GRB10: variants seen among roughly 807,000 people sequenced by gnomAD.
GRB10 encodes growth factor receptor bound protein 10, also known as growth factor receptor-bound protein 10.
In GRB10, 20 loss-of-function variants were observed where a neutral mutation model predicts 80.9. That is an observed-to-expected ratio of 0.25 (90% CI 0.17 to 0.36). The LOEUF is 0.36. Among genes scored for constraint, GRB10 ranks in the 10% least tolerant of loss-of-function variants. GRB10 has a pLI of 1.00. For synonymous variants in GRB10, 291 were observed against 291.5 expected, an observed-to-expected ratio of 1.00 and a Z score of 0.02; for missense variants, 548 against 747.7, an observed-to-expected ratio of 0.73 and a Z score of 3.12.
At chr7:50,732,246 G>C in intron 4 of GRB10, 26 bp downstream of exon 4, 1 of 1,612,340 alleles carries the variant, frequency 6.2e-7, no homozygotes, top group East Asian at 2.2e-5. Flanking sequence ...ATCGGGCCAG[G>C]ATCAGATATA....
chr7:50,595,652 A>G (rs1236574797), intron 17 of GRB10, 122 bp from the exon 18 acceptor site: 14 of 615,042 alleles, frequency 2.3e-5, no homozygotes, highest in Non-Finnish European at 3.8e-5. Context: ...TGGAGCCACA[A>G]TGCTTCAGTG....
chr7:50,750,314 C>CT lies in GRB10; in HGVS notation c.-47+5572dup, dbSNP rs2073881379. On this transcript the variant is annotated intron_variant, in intron 3 of 18. Coordinates refer to ENST00000401949, the MANE Select transcript of GRB10 (RefSeq NM_001350814.2). Reference sequence around the variant, plus strand: ...ATAAGCAACATCTTGGTCGACTCTGCTCTCACCACTCATATATAAAACCTT... The same window carrying CT: ...ATAAGCAACATCTTGGTCGACTCTGCTTCTCACCACTCATATATAAAACCTT... Among the ~76,000 whole-genome samples the CT allele has an allele frequency of 3.3e-5, 5 of 152,324 alleles. No individual in the cohort carries two copies. The South Asian group carries it at 1.0e-3, about 32-fold the overall frequency.
At chr7:50,709,557 C>CTT (rs386410130) in intron 4 of GRB10, among the ~76,000 whole-genome samples, 110,945 of 143,632 alleles carry the variant, frequency 0.77, 43,464 homozygotes, top group Middle Eastern at 0.91. Context: ...CCATTAAACT[C>CTT]TTTTTTTTTG....
chr7:50,630,217 A>AGTTATGACCTATCTT (rs1418157975), intron 7 of GRB10, among the ~76,000 whole-genome samples: 2 of 152,254 alleles, frequency 1.3e-5, no homozygotes, highest in African/African-American at 4.8e-5. Flanking sequence ...GTTCTACATT[A>AGTTATGACCTATCTT]GTTATGACCT....
upstream of GRB10, among the ~76,000 whole-genome samples, chr7:50,785,910 G>A (rs1051713497): frequency 6.6e-6 from 1 of 152,140 alleles, no homozygotes; most frequent in Admixed American, 6.5e-5. Context: ...ATTAAAAAAA[G>A]AATACTCACT....
intron 5 of GRB10, among the ~76,000 whole-genome samples, chr7:50,681,421 G>T (rs952799172): frequency 6.6e-6 from 1 of 152,228 alleles, no homozygotes; most frequent in Non-Finnish European, 1.5e-5. Context: ...TGGTGTTTAT[G>T]GCTCCCAGGA....
chr7:50,636,391 C>T (rs2055025376), intron 7 of GRB10, among the ~76,000 whole-genome samples: 1 of 152,166 alleles, frequency 6.6e-6, no homozygotes, highest in Non-Finnish European at 1.5e-5. Flanking sequence ...AAACCAGTAT[C>T]ACCCTGATAC....
chr7:50,709,010 T>C (rs912600536), intron 4 of GRB10, among the ~76,000 whole-genome samples: 1 of 152,174 alleles, frequency 6.6e-6, no homozygotes, highest in Non-Finnish European at 1.5e-5. Flanking sequence ...TTAATCACTA[T>C]GCTCTCTACC....
intron 4 of GRB10, among the ~76,000 whole-genome samples, chr7:50,721,504 T>C (rs2067738679): frequency 6.6e-6 from 1 of 152,224 alleles, no homozygotes; most frequent in Non-Finnish European, 1.5e-5. Context: ...TGCTGGCCAT[T>C]TGAGTATGCC....
At chr7:50,754,646 A>C (rs2074762564) in intron 3 of GRB10, among the ~76,000 whole-genome samples, 1 of 152,346 alleles carries the variant, frequency 6.6e-6, no homozygotes, top group East Asian at 1.9e-4. Context: ...AGCATCTAAC[A>C]CAAAGCTAAC....
intron 5 of GRB10, among the ~76,000 whole-genome samples, 171 bp downstream of exon 5, chr7:50,703,650 A>G (rs1164273926): frequency 1.3e-5 from 2 of 152,256 alleles, no homozygotes; most frequent in Non-Finnish European, 2.9e-5. Context: ...TGAAGATATC[A>G]GAACCAAGGA....
At chr7:50,630,450 A>G (rs1296740105) in intron 7 of GRB10, among the ~76,000 whole-genome samples, 1 of 152,150 alleles carries the variant, frequency 6.6e-6, no homozygotes, top group Non-Finnish European at 1.5e-5. Flanking sequence ...CTGGCCCCTG[A>G]CACGTGCCCT....
At chr7:50,673,550 C>T (rs1159646913) in intron 6 of GRB10, among the ~76,000 whole-genome samples, 1 of 152,134 alleles carries the variant, frequency 6.6e-6, no homozygotes, top group African/African-American at 2.4e-5. Flanking sequence ...CGCAGCTGCT[C>T]CTCCTCAGCA....
intron 5 of GRB10, among the ~76,000 whole-genome samples, chr7:50,696,502 A>G (rs1324903390): frequency 2.0e-5 from 3 of 152,152 alleles, no homozygotes; most frequent in Non-Finnish European, 4.4e-5. Context: ...GGCTGTTACC[A>G]CTGCACCACA....
chr7:50,676,344 G>GGGGGGGCGGGGGC (rs1563400777), intron 5 of GRB10, among the ~76,000 whole-genome samples: 48 of 135,920 alleles, frequency 3.5e-4, no homozygotes, highest in South Asian at 1.0e-3. Flanking sequence ...CCGGGGGGGG[G>GGGGGGGCGGGGGC]GGGGGGTTGT....
intron 5 of GRB10, among the ~76,000 whole-genome samples, chr7:50,678,307 C>G (rs2237479): frequency 0.23 from 34,534 of 152,144 alleles, 4,372 homozygotes; most frequent in East Asian, 0.51. Context: ...CTATTTTCTA[C>G]TTTAATACAT....
intron 5 of GRB10, among the ~76,000 whole-genome samples, chr7:50,688,150 C>T (rs1017790870): frequency 2.0e-5 from 3 of 152,156 alleles, no homozygotes; most frequent in African/African-American, 4.8e-5. Context: ...GTCAGCAAGG[C>T]TAAAACACAC....
At chr7:50,710,721 G>C (rs913248083) in intron 4 of GRB10, among the ~76,000 whole-genome samples, 2 of 152,126 alleles carry the variant, frequency 1.3e-5, no homozygotes, top group African/African-American at 4.8e-5. Context: ...TGGGACTCAG[G>C]GCAACTGCCT....
chr7:50,792,423 A>G (rs781063127), intron 1 of GRB10: 11 of 398,450 alleles, frequency 2.8e-5, no homozygotes, highest in Non-Finnish European at 4.9e-5. Context: ...AGACGCACAC[A>G]ATAAAAAGTA....
Sources: allele counts gnomAD v4.1 joint callset (sites outside exome capture counted in the v4.1 genomes callset), GRCh38; gene constraint gnomAD v4.1.1; transcripts MANE v1.5; gene names NCBI Gene and HGNC (gene_info 2026-07-23, HGNC 2026-07-21).